TMC1: variants seen among roughly 807,000 people sequenced by gnomAD.
TMC1 encodes the protein transmembrane channel like 1.
In TMC1, 84 loss-of-function variants were observed where a neutral mutation model predicts 105.8. The ratio of observed to expected loss-of-function variants is 0.79; its 90% CI spans 0.67 to 0.95. The LOEUF is 0.95. Among genes scored for constraint, TMC1 ranks in the 40% least tolerant of loss-of-function variants. The probability of loss-of-function intolerance (pLI) is 0.00; values close to 1 mark genes in which losing one functional copy is unlikely to be tolerated. For synonymous variants in TMC1, 315 were observed against 311.5 expected (o/e 1.01, Z -0.12); for missense variants, 817 against 914.1 (o/e 0.89, Z 1.37).
At chr9:72,618,020 ATCTT>A (rs1421094711) in intron 3 of TMC1, among the ~76,000 whole-genome samples, 2 of 114,688 alleles carry the variant, frequency 1.7e-5, no homozygotes, top group African/African-American at 6.9e-5. Flanking sequence ...CTCTGGGTAC[ATCTT>A]TTTTTTTTTT....
intron 17 of TMC1, among the ~76,000 whole-genome samples, chr9:72,804,343 A>G (rs914361715): frequency 6.6e-6 from 1 of 152,204 alleles, no homozygotes; most frequent in African/African-American, 2.4e-5. Context: ...GTGTTTACCT[A>G]TGTAATAAAA....
intron 2 of TMC1, among the ~76,000 whole-genome samples, chr9:72,581,074 A>AT (rs1824467063): frequency 6.6e-6 from 1 of 152,196 alleles, no homozygotes; most frequent in Admixed American, 6.5e-5. Context: ...CTTCAAAAGA[A>AT]TTTTTATGCT....
In TMC1 at chr9:72,694,551, G is replaced by A. The variant is rs1286247872; in HGVS notation, c.73G>A (p.Glu25Lys). The A allele has an allele frequency of 1.3e-5, 21 of 1,612,352 alleles. 1 individual carries two copies. Among genetic ancestry groups the A allele is most frequent in the Non-Finnish European group, 1.8e-5 (21 of 1,179,082 alleles). The change falls in exon 7 of 24, where the codon GAA (glutamate) becomes AAA (lysine). Residue 25 changes from glutamate (E) to lysine (K), a missense_variant. Physicochemically the swap from Glu to Lys is moderately conservative, Grantham distance 56. Coordinates refer to ENST00000297784, the MANE Select transcript of TMC1 (RefSeq NM_138691.3). ...TCAAGTGCTATGTTTAGGTGAAGAG[G>A]AAGAGGAGGTGGAAGATAAGCTACC... ...DETEESSSEEEEEVEDKLPRR... is the reference protein window; with the variant it reads ...DETEESSSEEKEEVEDKLPRR...
intron 23 of TMC1, among the ~76,000 whole-genome samples, chr9:72,833,780 T>C (rs963771038): frequency 5.3e-5 from 8 of 152,244 alleles, no homozygotes; most frequent in African/African-American, 1.9e-4. Context: ...GATTCCACAA[T>C]TGCTCTTGAG....
intron 5 of TMC1, among the ~76,000 whole-genome samples, chr9:72,685,438 A>G (rs1826365095): frequency 6.8e-6 from 1 of 147,300 alleles, no homozygotes; most frequent in Non-Finnish European, 1.5e-5. Flanking sequence ...ATCTCGGCTC[A>G]CTGCAACCTC....
chr9:72,743,158 G>C (rs1016546907), intron 10 of TMC1, among the ~76,000 whole-genome samples: 1 of 151,754 alleles, frequency 6.6e-6, no homozygotes. Flanking sequence ...ACGAGGTCAG[G>C]AGATCGAGAC....
At chr9:72,540,206 G>A (rs1823652544) in intron 1 of TMC1, among the ~76,000 whole-genome samples, 1 of 152,130 alleles carries the variant, frequency 6.6e-6, no homozygotes, top group Admixed American at 6.5e-5. Context: ...ATGAAGTTTG[G>A]GAGGGCGAAC....
At chr9:72,766,576 G>A (rs916718826) in intron 12 of TMC1, among the ~76,000 whole-genome samples, 4 of 152,120 alleles carry the variant, frequency 2.6e-5, no homozygotes, top group African/African-American at 9.7e-5. Context: ...GTGGAAGTGG[G>A]GCAGCAGCCA....
chr9:72,665,037 G>A (rs189473699), intron 5 of TMC1, among the ~76,000 whole-genome samples: 3 of 152,278 alleles, frequency 2.0e-5, no homozygotes, highest in South Asian at 2.1e-4. Flanking sequence ...AGCAGTGACT[G>A]CGCAACAGAT....
At chr9:72,824,479 G>A (rs548730115) in intron 20 of TMC1, among the ~76,000 whole-genome samples, 77 of 152,318 alleles carry the variant, frequency 5.1e-4, no homozygotes, top group African/African-American at 1.8e-3. Context: ...ATTTTATTGA[G>A]TAATGAAATT....
chr9:72,729,111 A>G (rs1401321581), intron 8 of TMC1, among the ~76,000 whole-genome samples: 1 of 152,048 alleles, frequency 6.6e-6, no homozygotes, highest in Non-Finnish European at 1.5e-5. Flanking sequence ...GGAATTTCAT[A>G]CAAATTTGAC....
intron 4 of TMC1, among the ~76,000 whole-genome samples, chr9:72,641,315 A>G (rs981786365): frequency 1.3e-5 from 2 of 151,582 alleles, no homozygotes; most frequent in Non-Finnish European, 2.9e-5. Context: ...GCTTGTTTTA[A>G]CTCCTGACCT....
chr9:72,653,636 A>G (rs1355773525), intron 5 of TMC1, among the ~76,000 whole-genome samples: 1 of 152,160 alleles, frequency 6.6e-6, no homozygotes, highest in African/African-American at 2.4e-5. Context: ...GGCACAATAT[A>G]CTATATACAT....
intron 2 of TMC1, among the ~76,000 whole-genome samples, chr9:72,600,519 AATAG>A (rs1236176039): frequency 6.6e-6 from 1 of 152,184 alleles, no homozygotes; most frequent in East Asian, 1.9e-4. Flanking sequence ...ACAGTTTCAT[AATAG>A]ATCTCTTGGA....
At chr9:72,721,735 T>C (rs1827029611) in intron 8 of TMC1, among the ~76,000 whole-genome samples, 1 of 152,186 alleles carries the variant, frequency 6.6e-6, no homozygotes, top group Non-Finnish European at 1.5e-5. Flanking sequence ...ACTTATTATC[T>C]ATGCTGAACA....
chr9:72,817,746 G>A (rs959236137), intron 19 of TMC1, among the ~76,000 whole-genome samples: 3 of 152,088 alleles, frequency 2.0e-5, no homozygotes, highest in Non-Finnish European at 4.4e-5. Context: ...TTGCAACTAT[G>A]TTAGTCCACT....
At chr9:72,627,373 TC>T (rs1825366245) in intron 3 of TMC1, among the ~76,000 whole-genome samples, 1 of 152,090 alleles carries the variant, frequency 6.6e-6, no homozygotes, top group Non-Finnish European at 1.5e-5. Context: ...GGTCAAGGCC[TC>T]CTTGACAACA....
In TMC1 at chr9:72,679,689, C is replaced by G. The variant is rs147283362; in HGVS notation, c.17-9020C>G. On this transcript the variant is annotated intron_variant, in intron 5 of 23. Coordinates refer to ENST00000297784, the MANE Select transcript of TMC1 (RefSeq NM_138691.3). Reference sequence around the variant, plus strand: ...GAATGAATAAAGTTTCTGGAGTCTTCTTTACAATGGCACTAATCCATTCAT... The same window carrying G: ...GAATGAATAAAGTTTCTGGAGTCTTGTTTACAATGGCACTAATCCATTCAT... Among the ~76,000 whole-genome samples, 867 of 152,150 alleles carry G rather than the reference C, an allele frequency of 5.7e-3. 8 individuals are homozygous for G. The highest frequency in any genetic ancestry group is 0.02 in the African/African-American group (827 of 41,518).
intron 12 of TMC1, among the ~76,000 whole-genome samples, chr9:72,765,101 G>A (rs1827809773): frequency 2.0e-5 from 3 of 152,268 alleles, no homozygotes; most frequent in Admixed American, 2.0e-4. Context: ...AATGGAAATC[G>A]AATTGGAGGA....
Sources: gnomAD v4.1 joint callset for allele counts (sites outside exome capture counted in the v4.1 genomes callset) on GRCh38, gnomAD v4.1.1 for gene constraint, MANE v1.5 for transcripts, NCBI Gene and HGNC (gene_info 2026-07-23, HGNC 2026-07-21) for gene names.